Variants in AFAP1 observed in about 807,000 individuals in gnomAD.
AFAP1 encodes the protein actin filament associated protein 1, also known as actin filament-associated protein 1.
Under a neutral mutation model 93.9 loss-of-function variants are expected in AFAP1, and 75 were observed. That is an observed-to-expected ratio of 0.80 (90% CI 0.66 to 0.97). AFAP1 has a LOEUF of 0.97. Among genes scored for constraint, AFAP1 ranks in the 50% least tolerant of loss-of-function variants. The probability of loss-of-function intolerance (pLI) is 0.00; values close to 1 mark genes in which losing one functional copy is unlikely to be tolerated. For synonymous variants in AFAP1, 517 were observed against 430.7 expected (o/e 1.20, Z -2.48); for missense variants, 1,201 against 1,050.8 (o/e 1.14, Z -1.98).
intron 4 of AFAP1, among the ~76,000 whole-genome samples, chr4:7,844,676 C>T (rs181908470): frequency 6.6e-6 from 1 of 152,306 alleles, no homozygotes; most frequent in East Asian, 1.9e-4. Context: ...GAAGGAAGCG[C>T]GTTAAATGTC....
chr4:7,903,619 C>T (rs1719238265), intron 1 of AFAP1, among the ~76,000 whole-genome samples: 1 of 152,144 alleles, frequency 6.6e-6, no homozygotes, highest in South Asian at 2.1e-4. Flanking sequence ...GTAGAGGTTG[C>T]AGTGAGCCGA....
intron 6 of AFAP1, among the ~76,000 whole-genome samples, chr4:7,826,140 G>A (rs1339558042): frequency 6.6e-6 from 1 of 152,218 alleles, no homozygotes; most frequent in Non-Finnish European, 1.5e-5. Flanking sequence ...CAGGGAAGAA[G>A]CCAGCCAAGT....
chr4:7,901,375 A>G (rs1719108884), intron 1 of AFAP1, among the ~76,000 whole-genome samples: 1 of 152,232 alleles, frequency 6.6e-6, no homozygotes, highest in Admixed American at 6.5e-5. Context: ...TAAAATATGC[A>G]GAGCACCATG....
Position 7,816,008 on chromosome 4 carries a change from C to T in AFAP1, c.904+10G>A. 1 of 1,606,298 alleles carries T rather than the reference C, an allele frequency of 6.2e-7. No individual in the cohort carries two copies. The highest frequency in any genetic ancestry group is 8.5e-7 in the Non-Finnish European group (1 of 1,177,094). On this transcript the variant is annotated intron_variant, in intron 8 of 17. Coordinates refer to ENST00000420658, the MANE Select transcript of AFAP1 (RefSeq NM_001134647.2). ...AGTGTATATATGTTTTTGGCACAAGCAGAACTCACCTTGCTCCTTTCCATT... is the reference window on the plus strand; with the variant it reads ...AGTGTATATATGTTTTTGGCACAAGTAGAACTCACCTTGCTCCTTTCCATT...
intron 8 of AFAP1, among the ~76,000 whole-genome samples, chr4:7,812,431 T>TC (rs1169933041): frequency 1.3e-5 from 2 of 152,084 alleles, no homozygotes; most frequent in African/African-American, 4.8e-5. Context: ...CCTTGAATAC[T>TC]CCCTGATCAG....
intron 1 of AFAP1, among the ~76,000 whole-genome samples, chr4:7,888,793 G>T (rs75611058): frequency 4.4e-4 from 56 of 128,248 alleles, no homozygotes; most frequent in South Asian, 2.7e-3. Flanking sequence ...GTTTTTTTTT[G>T]TTGTTGTTGT....
chr4:7,922,630 C>G (rs1018167250), intron 1 of AFAP1, among the ~76,000 whole-genome samples: 1 of 152,216 alleles, frequency 6.6e-6, no homozygotes, highest in East Asian at 1.9e-4. Context: ...ACTTGCATAT[C>G]ATGCCCAGAT....
chr4:7,926,162 G>A (rs1006039184), intron 1 of AFAP1, among the ~76,000 whole-genome samples: 12 of 152,152 alleles, frequency 7.9e-5, no homozygotes, highest in Admixed American at 2.0e-4. Context: ...TACAAGATAT[G>A]TTTTGATTTT....
At chr4:7,826,706 G>A (rs1721451974) in intron 6 of AFAP1, among the ~76,000 whole-genome samples, 1 of 152,204 alleles carries the variant, frequency 6.6e-6, no homozygotes, top group African/African-American at 2.4e-5. Context: ...AGGCAGTAGG[G>A]GAGTGAGAGT....
intron 1 of AFAP1, among the ~76,000 whole-genome samples, chr4:7,884,060 T>C (rs73073928): frequency 0.031 from 4,693 of 152,166 alleles, 114 homozygotes; most frequent in South Asian, 0.069. Flanking sequence ...GTCCTTGCAA[T>C]AGTGAGTGAG....
intron 11 of AFAP1, among the ~76,000 whole-genome samples, chr4:7,792,636 C>T (rs907861938): frequency 1.3e-5 from 2 of 152,104 alleles, no homozygotes; most frequent in African/African-American, 4.8e-5. Flanking sequence ...TCTATGAGCA[C>T]CTCACTTGTC....
chr4:7,829,616 TACTC>T (rs1307966350), intron 6 of AFAP1, among the ~76,000 whole-genome samples: 2 of 152,204 alleles, frequency 1.3e-5, no homozygotes, highest in African/African-American at 4.8e-5. Context: ...CTATAAAAAA[TACTC>T]AGTGTCATTC....
chr4:7,934,644 C>G (rs967685249), intron 1 of AFAP1, among the ~76,000 whole-genome samples: 1 of 152,152 alleles, frequency 6.6e-6, no homozygotes, highest in Non-Finnish European at 1.5e-5. Flanking sequence ...ACACCGCACA[C>G]ACAGCTTCTG....
intron 14 of AFAP1, chr4:7,777,752 C>A (rs2148975124): frequency 6.6e-6 from 1 of 152,360 alleles, no homozygotes; most frequent in South Asian, 2.1e-4. Context: ...TCTGGGAAAT[C>A]TTCCTGGACA....
chr4:7,874,781 A>G (rs1423222548), intron 1 of AFAP1, among the ~76,000 whole-genome samples: 2 of 151,894 alleles, frequency 1.3e-5, no homozygotes, highest in Non-Finnish European at 2.9e-5. Context: ...TACAAAAGAT[A>G]CTTGCAAAAG....
chr4:7,934,000 G>A (rs57868040), intron 1 of AFAP1, among the ~76,000 whole-genome samples: 35,629 of 152,114 alleles, frequency 0.23, 5,255 homozygotes, highest in East Asian at 0.74. Flanking sequence ...AATCCCTAGC[G>A]GAGTGTCTGG....
intron 1 of AFAP1, among the ~76,000 whole-genome samples, chr4:7,936,387 A>AT (rs1376597321): frequency 6.6e-6 from 1 of 150,676 alleles, no homozygotes; most frequent in Non-Finnish European, 1.5e-5. Context: ...GTGCAGTAGC[A>AT]TGATTATAGC....
At chr4:7,930,011 T>A (rs954327476) in intron 1 of AFAP1, among the ~76,000 whole-genome samples, 5 of 152,240 alleles carry the variant, frequency 3.3e-5, no homozygotes, top group African/African-American at 9.6e-5. Context: ...AGTCAGAGCT[T>A]GAATTCTTAT....
intron 9 of AFAP1, among the ~76,000 whole-genome samples, chr4:7,806,987 G>T (rs1223285636): frequency 1.3e-5 from 2 of 152,080 alleles, no homozygotes; most frequent in Non-Finnish European, 2.9e-5. Context: ...TAAGGGGAAG[G>T]CCTGTGGGAC....
Sources: allele counts gnomAD v4.1 joint callset (sites outside exome capture counted in the v4.1 genomes callset), GRCh38; gene constraint gnomAD v4.1.1; transcripts MANE v1.5; gene names NCBI Gene and HGNC (gene_info 2026-07-23, HGNC 2026-07-21).